HADHA: variants seen among roughly 807,000 people sequenced by gnomAD.
The protein encoded by HADHA is hydroxyacyl-CoA dehydrogenase trifunctional multienzyme complex subunit alpha.
In HADHA, 59 loss-of-function variants were observed where a neutral mutation model predicts 91.3. The ratio of observed to expected loss-of-function variants is 0.65; its 90% CI spans 0.52 to 0.80. The LOEUF is 0.80. Ranked by LOEUF, HADHA falls within the 30% of genes least tolerant of loss-of-function variation. The pLI is 0.00. For synonymous variants in HADHA, 320 were observed against 338.9 expected (o/e 0.94, Z 0.61); for missense variants, 800 against 927.6 (o/e 0.86, Z 1.79).
At chr2:26,203,536 T>G (rs1404232275) in intron 12 of HADHA, among the ~76,000 whole-genome samples, 1 of 152,174 alleles carries the variant, frequency 6.6e-6, no homozygotes, top group African/African-American at 2.4e-5. Context: ...TGTGGAGGGA[T>G]CAGTTCATGG....
Position 26,232,224 on chromosome 2 carries a change from C to T in HADHA, c.509G>A (p.Gly170Asp), listed in dbSNP as rs746937892. 1 of 1,603,888 alleles carries T rather than the reference C, an allele frequency of 6.2e-7. No individual in the cohort carries two copies. Among genetic ancestry groups the T allele is most frequent in the Non-Finnish European group, 8.5e-7 (1 of 1,170,846 alleles). ...IATKDRKTVLGTPEVLLGALP... is the reference protein window; with the variant it reads ...IATKDRKTVLDTPEVLLGALP... The stretch of plus-strand genomic sequence containing the variant: ...GGCCCCCAGCAAAACTTCAGGGGTA[C>T]CTAATACTGTTTTTCTGTCTTTTGT... The change falls in exon 6 of 20, where the codon GGT becomes GAT. Residue 170 changes from glycine to aspartate, a missense_variant. Transcript: ENST00000380649.
intron 13 of HADHA, among the ~76,000 whole-genome samples, chr2:26,200,484 C>T (rs538223545): frequency 5.3e-5 from 8 of 152,274 alleles, no homozygotes; most frequent in African/African-American, 1.4e-4. Flanking sequence ...AGCATCTGGA[C>T]GAACTGTCTT....
intron 6 of HADHA, among the ~76,000 whole-genome samples, chr2:26,231,757 G>A (rs191134556): frequency 2.0e-5 from 3 of 151,790 alleles, no homozygotes; most frequent in Admixed American, 1.3e-4. Flanking sequence ...ACCTGAGGTC[G>A]GGAGTTCAAG....
Position 26,201,339 on chromosome 2 carries a change from T to A in HADHA, c.1221-19A>T. On this transcript the variant is annotated intron_variant, in intron 12 of 19. Coordinates refer to ENST00000380649, the MANE Select transcript of HADHA (RefSeq NM_000182.5). ...ATTCAATCTAGAAAAAACACATTCCTAGTTAGATGGGAAGAAAAGGAAACT... is the reference window on the plus strand; with the variant it reads ...ATTCAATCTAGAAAAAACACATTCCAAGTTAGATGGGAAGAAAAGGAAACT... 1 of 1,557,352 alleles carries A rather than the reference T, an allele frequency of 6.4e-7. No individual in the cohort carries two copies. The highest frequency in any genetic ancestry group is 8.9e-7 in the Non-Finnish European group (1 of 1,128,676).
Position 26,239,206 on chromosome 2 carries a change from A to C in HADHA, c.68-63T>G. The C allele has an allele frequency of 3.8e-6, 4 of 1,053,346 alleles. No homozygotes were observed. The South Asian group carries it at 5.1e-5, about 13-fold the overall frequency. 65.2% of individuals were successfully genotyped at this position (1,053,346 alleles called of 1,614,324 possible). A position where few individuals can be genotyped will look rare whatever the true frequency, so the allele number is the denominator to read the frequency against. Reference sequence around the variant, plus strand: ...AATTTCTGTAGTACCTTTTATATATAACAAAGCTGTAATTTACAATAATAA... The same window carrying C: ...AATTTCTGTAGTACCTTTTATATATCACAAAGCTGTAATTTACAATAATAA... On this transcript the variant is annotated intron_variant, in intron 1 of 19. Coordinates refer to ENST00000380649, the MANE Select transcript of HADHA (RefSeq NM_000182.5).
In HADHA at chr2:26,190,845, G is replaced by A. The variant is rs886055859; in HGVS notation, c.*405C>T. 2.1e-5 allele frequency: 6 copies of A among 285,202 alleles called. No homozygotes were observed. Among genetic ancestry groups the A allele is most frequent in the Non-Finnish European group, 4.1e-5 (6 of 147,954 alleles). The allele number at this position is 285,202 out of a possible 1,614,324, so 17.7% of individuals were successfully genotyped here. ...TCTTCCAGATTGCTTTTTGAAGGAG[G>A]CGTTTAAACCAGAAGGGCAAAGATG... On this transcript the variant is annotated 3_prime_UTR_variant, in exon 20 of 20. Transcript: ENST00000380649.
chr2:26,195,359 C>T, intron 14 of HADHA, 127 bp from the exon 15 acceptor site: 1 of 857,934 alleles, frequency 1.2e-6, no homozygotes, highest in Non-Finnish European at 2.0e-6. Flanking sequence ...CTTGACATAG[C>T]TGAGTGGTTT....
At chr2:26,240,673 G>A (rs2147786496) in intron 1 of HADHA, among the ~76,000 whole-genome samples, 1 of 152,236 alleles carries the variant, frequency 6.6e-6, no homozygotes, top group Admixed American at 6.5e-5. Context: ...TCTTTGAGAC[G>A]AGGTCTCCCT....
chr2:26,236,153 ATCTAGTTAAT>A (rs1670746331), intron 4 of HADHA, among the ~76,000 whole-genome samples: 2 of 152,096 alleles, frequency 1.3e-5, no homozygotes, highest in South Asian at 4.1e-4. Flanking sequence ...CATATTGTGG[ATCTAGTTAAT>A]TCCTTTTACC....
At chr2:26,220,392 G>A (rs1670347273) in intron 7 of HADHA, among the ~76,000 whole-genome samples, 1 of 152,218 alleles carries the variant, frequency 6.6e-6, no homozygotes, top group Admixed American at 6.5e-5. Flanking sequence ...ACCTAGAAAA[G>A]AGTAAACCAA....
Position 26,191,629 on chromosome 2 carries a change from C to T in HADHA, c.2001-1G>A. On this transcript the variant is annotated splice_acceptor_variant, in intron 18 of 19. Coordinates refer to ENST00000380649, the MANE Select transcript of HADHA (RefSeq NM_000182.5). LOFTEE classifies it high-confidence loss of function. ...GAACTGGATGTCTTCGTCTGATGAG[C>T]TGCCAACAGAAAGAGATGTTTAGGT... 1 of 1,613,808 alleles carries T rather than the reference C, an allele frequency of 6.2e-7. No homozygotes were observed. Among genetic ancestry groups the T allele is most frequent in the East Asian group, 2.2e-5 (1 of 44,870 alleles).
chr2:26,201,285 G>T lies in HADHA; in HGVS notation c.1256C>A (p.Ser419Ter). 6.2e-7 allele frequency: 1 copy of T among 1,611,602 alleles called. No individual in the cohort carries two copies. Among genetic ancestry groups the T allele is most frequent in the Non-Finnish European group, 8.5e-7 (1 of 1,177,662 alleles). The change falls in exon 13 of 20, where the codon TCA (serine) becomes TAA (stop). Residue 419 changes from serine (S) to a stop codon, truncating the protein, a stop_gained. Coordinates refer to ENST00000380649, the MANE Select transcript of HADHA (RefSeq NM_000182.5). LOFTEE classifies it high-confidence loss of function. The part of the protein sequence containing the change: ...NDKVKKKALT[S>*]FERDSIFSNL... ...GCTGAAGATGGAATCCCTTTCAAAT[G>T]ATGTTAGAGCTTTCTTCTTCACTTT... is the stretch of plus-strand genomic sequence containing the variant.
chr2:26,221,630 G>A lies in HADHA; in HGVS notation c.677-6455C>T, dbSNP rs989319446. Among the ~76,000 whole-genome samples, 4 of 152,302 alleles carry A rather than the reference G, an allele frequency of 2.6e-5. No homozygotes were observed. Among genetic ancestry groups the A allele is most frequent in the African/African-American group, 9.6e-5 (4 of 41,562 alleles). The stretch of plus-strand genomic sequence containing the variant: ...AGTAGCCAAAATACCCCACGGCCCT[G>A]TTCTTCTTTGTCTCTTCCAGCCTGC... On this transcript the variant is annotated intron_variant, in intron 7 of 19. Transcript: ENST00000380649. This position sits in a 1 kb window ranked among gnomAD's most constrained non-coding sequence, Gnocchi z 4.8.
At chr2:26,234,391 GATAAAACTATAATT>G (rs1383860841) in intron 4 of HADHA, 36 bp from the exon 5 acceptor site, 20 of 1,585,088 alleles carry the variant, frequency 1.3e-5, no homozygotes, top group Non-Finnish European at 1.7e-5. Context: ...CAGAGAAAAA[GATAAAACTATAATT>G]TATTTGGTTC....
chr2:26,199,392 G>A (rs537847360), intron 13 of HADHA: 2 of 152,450 alleles, frequency 1.3e-5, no homozygotes, highest in South Asian at 2.1e-4. Context: ...CAAAACAAAA[G>A]TGGAATGAAT....
chr2:26,198,892 A>G (rs867244031), intron 13 of HADHA, among the ~76,000 whole-genome samples: 54 of 151,362 alleles, frequency 3.6e-4, no homozygotes, highest in African/African-American at 1.2e-3. Flanking sequence ...TCTACAAAAC[A>G]TAACTTTTTT....
At chr2:26,197,146 T>C (rs558761078) in intron 14 of HADHA, among the ~76,000 whole-genome samples, 6 of 152,364 alleles carry the variant, frequency 3.9e-5, no homozygotes, top group African/African-American at 1.4e-4. Flanking sequence ...GTTTTACTTC[T>C]CTTTGAATGA....
intron 1 of HADHA, among the ~76,000 whole-genome samples, chr2:26,243,590 A>T (rs889207616): frequency 6.6e-6 from 1 of 152,190 alleles, no homozygotes; most frequent in African/African-American, 2.4e-5. Context: ...CTACTTGTCT[A>T]AAAAAAGCAT....
At chr2:26,196,481 A>T (rs926423095) in intron 14 of HADHA, among the ~76,000 whole-genome samples, 4 of 152,166 alleles carry the variant, frequency 2.6e-5, no homozygotes, top group African/African-American at 9.7e-5. Context: ...ACATCCATAT[A>T]ATCACTAACC....
Sources: gnomAD v4.1 joint callset for allele counts (sites outside exome capture counted in the v4.1 genomes callset) on GRCh38, gnomAD v4.1.1 for gene constraint, Gnocchi (gnomAD v3.1) non-coding constraint, MANE v1.5 for transcripts, NCBI Gene and HGNC (gene_info 2026-07-23, HGNC 2026-07-21) for gene names.